The following GLIS3 variants were observed in gnomAD, a reference collection of about 807,000 sequenced individuals.
The protein encoded by GLIS3 is zinc finger protein GLIS3.
GLIS3 carries 53 observed loss-of-function variants against 78.6 expected under a neutral mutation model. The observed-to-expected ratio is 0.67, with a 90% confidence interval of 0.54 to 0.85. The LOEUF (loss-of-function observed/expected upper bound fraction) is 0.85, where lower values mean the gene tolerates loss of function less well. Among genes scored for constraint, GLIS3 ranks in the 40% least tolerant of loss-of-function variants. The probability of loss-of-function intolerance (pLI) is 0.00; values close to 1 mark genes in which losing one functional copy is unlikely to be tolerated. For missense variants in GLIS3, 1,703 were observed against 1,231.1 expected, an observed-to-expected ratio of 1.38 and a Z score of -5.74; for synonymous variants, 684 against 509.9, an observed-to-expected ratio of 1.34 and a Z score of -4.60.
intron 8 of GLIS3, among the ~76,000 whole-genome samples, chr9:3,875,920 C>T (rs1406941295): frequency 6.6e-6 from 1 of 152,196 alleles, no homozygotes; most frequent in Non-Finnish European, 1.5e-5. Context: ...CCCCTATGAT[C>T]ATTTAACAAC....
chr9:4,140,202 T>G (rs943157115), intron 2 of GLIS3, among the ~76,000 whole-genome samples: 20 of 152,064 alleles, frequency 1.3e-4, no homozygotes, highest in African/African-American at 4.6e-4. Context: ...CGCGTGCCTA[T>G]AATCCCAGCT....
the GLIS3 span, among the ~76,000 whole-genome samples, chr9:4,363,628 T>C: frequency 6.6e-6 from 1 of 152,358 alleles, no homozygotes; most frequent in Non-Finnish European, 1.5e-5. Context: ...TTTCCTAGCA[T>C]CTGTGTAGCT....
intron 4 of GLIS3, among the ~76,000 whole-genome samples, chr9:4,113,186 T>C (rs10814849): frequency 0.22 from 34,174 of 151,998 alleles, 4,844 homozygotes; most frequent in East Asian, 0.54. Flanking sequence ...TATATATGCG[T>C]ATTTTAATTT....
At chr9:4,275,508 C>A (rs1158693879) in intron 2 of GLIS3, among the ~76,000 whole-genome samples, 1 of 151,856 alleles carries the variant, frequency 6.6e-6, no homozygotes, top group African/African-American at 2.4e-5. Flanking sequence ...AACTGTAATC[C>A]CAGCACTTTG....
At chr9:3,843,363 T>A (rs1178901273) in intron 9 of GLIS3, among the ~76,000 whole-genome samples, 1 of 152,216 alleles carries the variant, frequency 6.6e-6, no homozygotes, top group Non-Finnish European at 1.5e-5. Flanking sequence ...TTATATATGG[T>A]TAGGCTTCCC....
At chr9:4,119,129 G>A (rs1831991672) in intron 3 of GLIS3, among the ~76,000 whole-genome samples, 1 of 152,094 alleles carries the variant, frequency 6.6e-6, no homozygotes, top group Non-Finnish European at 1.5e-5. Context: ...AAGATCTATT[G>A]TTATAAATAA....
chr9:4,142,828 T>G (rs1833910674), intron 2 of GLIS3, among the ~76,000 whole-genome samples: 2 of 152,152 alleles, frequency 1.3e-5, no homozygotes, highest in South Asian at 4.1e-4. Context: ...CTTCCAAACC[T>G]AACCCATCTA....
chr9:4,074,117 G>C (rs17740378), intron 4 of GLIS3, among the ~76,000 whole-genome samples: 14,339 of 152,158 alleles, frequency 0.094, 1,453 homozygotes, highest in East Asian at 0.27. Flanking sequence ...TCATCCCAAT[G>C]CAAGTCACAA....
chr9:3,855,238 T>A (rs1014166937), intron 9 of GLIS3, among the ~76,000 whole-genome samples: 1 of 152,230 alleles, frequency 6.6e-6, no homozygotes, highest in African/African-American at 2.4e-5. Context: ...TAGTTCTCTA[T>A]GCATATTCCC....
At chr9:4,326,749 C>CA (rs760607211) in intron 2 of GLIS3, among the ~76,000 whole-genome samples, 27 of 151,476 alleles carry the variant, frequency 1.8e-4, no homozygotes, top group East Asian at 3.9e-4. Flanking sequence ...ACAGCAAGGA[C>CA]AAAAAAAATG....
chr9:4,136,351 G>A (rs1246657033), intron 2 of GLIS3, among the ~76,000 whole-genome samples: 2 of 152,118 alleles, frequency 1.3e-5, no homozygotes, highest in East Asian at 1.9e-4. Flanking sequence ...CTACAAACAC[G>A]TTTCCCAAAG....
intron 4 of GLIS3, among the ~76,000 whole-genome samples, chr9:4,106,561 G>C (rs1245895785): frequency 6.6e-6 from 1 of 152,088 alleles, no homozygotes; most frequent in Non-Finnish European, 1.5e-5. Flanking sequence ...TATGGAAATG[G>C]ACCAAAAGTG....
the GLIS3 span, among the ~76,000 whole-genome samples, chr9:4,383,605 C>T: frequency 2.8e-5 from 2 of 71,316 alleles, no homozygotes; most frequent in Non-Finnish European, 6.6e-5. Context: ...AATTCTAATT[C>T]TCTGGATGCA....
intron 5 of GLIS3, among the ~76,000 whole-genome samples, chr9:3,933,481 G>A (rs749436741): frequency 9.2e-5 from 14 of 152,306 alleles, no homozygotes; most frequent in Admixed American, 7.2e-4. Flanking sequence ...TGACTCTTCA[G>A]TTGTGAGATA....
At chr9:3,898,911 T>C in intron 6 of GLIS3, 76 bp from the exon 7 acceptor site, 1 of 1,598,078 alleles carries the variant, frequency 6.3e-7, no homozygotes, top group Non-Finnish European at 8.6e-7. Flanking sequence ...GGCATCATGC[T>C]CTATCAGTGC....
At chr9:4,368,630 C>A in the GLIS3 span, among the ~76,000 whole-genome samples, 3 of 152,166 alleles carry the variant, frequency 2.0e-5, no homozygotes, top group Non-Finnish European at 4.4e-5. Context: ...GGATTACAGG[C>A]GTGAGCCACT....
chr9:4,236,184 CAAAAAAAAAAAA>C (rs59839951), intron 2 of GLIS3, among the ~76,000 whole-genome samples: 2 of 84,306 alleles, frequency 2.4e-5, no homozygotes, highest in African/African-American at 4.4e-5. Flanking sequence ...GTGGTTGTCA[CAAAAAAAAAAAA>C]AAAAAAAAAA....
chr9:3,967,768 C>A (rs1396728227), intron 4 of GLIS3, among the ~76,000 whole-genome samples: 1 of 152,122 alleles, frequency 6.6e-6, no homozygotes, highest in Non-Finnish European at 1.5e-5. Context: ...AATATGATCC[C>A]ATTTTCTGTA....
chr9:3,991,683 A>AAGTTTTTTTTTTTTTTTTT (rs1265317427), intron 4 of GLIS3, among the ~76,000 whole-genome samples: 1 of 87,912 alleles, frequency 1.1e-5, no homozygotes, highest in African/African-American at 5.3e-5. Context: ...AAGTAGGCTG[A>AAGTTTTTTTTTTTTTTTTT]TTTTTTTTTT....
Sources: allele counts gnomAD v4.1 joint callset (sites outside exome capture counted in the v4.1 genomes callset), GRCh38; gene constraint gnomAD v4.1.1; transcripts MANE v1.5; gene names NCBI Gene and HGNC (gene_info 2026-07-23, HGNC 2026-07-21).